The following NRXN1 variants were observed in gnomAD, a reference collection of about 807,000 sequenced individuals.
NRXN1 encodes the protein neurexin-1.
NRXN1 carries 39 observed loss-of-function variants against 150.9 expected under a neutral mutation model. The observed-to-expected ratio is 0.26, with a 90% CI of 0.20 to 0.34. NRXN1 has a LOEUF of 0.34. NRXN1 is among the 10% of genes least tolerant of loss of function. The probability of loss-of-function intolerance (pLI) is 1.00; values close to 1 mark genes in which losing one functional copy is unlikely to be tolerated. For missense variants in NRXN1, 1,815 were observed against 1,949.9 expected (o/e 0.93, Z 1.30); for synonymous variants, 924 against 757.0 (o/e 1.22, Z -3.62).
At chr2:50,385,380 G>A (rs1312128865) in intron 17 of NRXN1, among the ~76,000 whole-genome samples, 2 of 152,188 alleles carry the variant, frequency 1.3e-5, no homozygotes, top group African/African-American at 4.8e-5. Flanking sequence ...TCACAGCATA[G>A]TTAACTTACT....
chr2:50,709,326 T>C (rs1452576640), intron 5 of NRXN1, among the ~76,000 whole-genome samples: 1 of 152,010 alleles, frequency 6.6e-6, no homozygotes, highest in Admixed American at 6.6e-5. Context: ...GCAGGAAAAA[T>C]ATATTAAGTG....
chr2:50,931,100 A>G (rs1399741483), intron 2 of NRXN1, among the ~76,000 whole-genome samples: 1 of 152,134 alleles, frequency 6.6e-6, no homozygotes, highest in East Asian at 1.9e-4. Context: ...CCATCAGAGA[A>G]TATTCTGCAA....
chr2:50,686,261 T>C (rs1166024967), intron 5 of NRXN1, among the ~76,000 whole-genome samples: 1 of 152,140 alleles, frequency 6.6e-6, no homozygotes, highest in Non-Finnish European at 1.5e-5. Context: ...TTTTTAAAAA[T>C]GAAGTTATTA....
chr2:50,296,177 A>C (rs2152949970), intron 17 of NRXN1, among the ~76,000 whole-genome samples: 1 of 152,336 alleles, frequency 6.6e-6, no homozygotes, highest in East Asian at 1.9e-4. Context: ...TAGATAAATT[A>C]TAGATTGATT....
chr2:50,208,447 A>C (rs2062772997), intron 18 of NRXN1, among the ~76,000 whole-genome samples: 1 of 152,132 alleles, frequency 6.6e-6, no homozygotes, highest in Non-Finnish European at 1.5e-5. Context: ...CCATTCTTGC[A>C]AATCTTTGTA....
At chr2:50,883,186 T>G (rs866185756) in intron 5 of NRXN1, among the ~76,000 whole-genome samples, 15 of 151,876 alleles carry the variant, frequency 9.9e-5, no homozygotes, top group Admixed American at 8.6e-4. Context: ...TTTCTTTTCA[T>G]TTTTGCATTG....
In NRXN1 at chr2:49,921,520, T is replaced by A. The variant is rs996456881; in HGVS notation, c.*424A>T. ...AGTCTTCTCTGGCAATTGGACTGACTTCTCAGGAAAGCGCTAGCACTTTGG... is the reference window on the plus strand; with the variant it reads ...AGTCTTCTCTGGCAATTGGACTGACATCTCAGGAAAGCGCTAGCACTTTGG... On this transcript the variant is annotated 3_prime_UTR_variant, in exon 23 of 23. Transcript: ENST00000401669. 6.2e-6 allele frequency: 1 copy of A among 161,988 alleles called. No individual in the cohort carries two copies. Among genetic ancestry groups the A allele is most frequent in the Non-Finnish European group, 1.3e-5 (1 of 74,290 alleles). The allele number at this position is 161,988 out of a possible 1,614,324, so 10.0% of individuals were successfully genotyped here. A position where few individuals can be genotyped will look rare whatever the true frequency, so the allele number is the denominator to read the frequency against.
intron 5 of NRXN1, among the ~76,000 whole-genome samples, chr2:50,899,409 A>T (rs1682557150): frequency 6.6e-6 from 1 of 152,100 alleles, no homozygotes; most frequent in South Asian, 2.1e-4. Flanking sequence ...TTCCCACTAC[A>T]CTGTGTTTAT....
At chr2:50,155,885 AAGT>A (rs1269251557) in intron 18 of NRXN1, among the ~76,000 whole-genome samples, 4 of 151,728 alleles carry the variant, frequency 2.6e-5, no homozygotes, top group African/African-American at 9.7e-5. Flanking sequence ...GTTTAAAAAA[AAGT>A]AGACATTTGT....
At chr2:50,768,196 G>C (rs1702584855) in intron 5 of NRXN1, among the ~76,000 whole-genome samples, 1 of 151,994 alleles carries the variant, frequency 6.6e-6, no homozygotes, top group African/African-American at 2.4e-5. Context: ...CTACTCTTTG[G>C]GATTCTCTGC....
At chr2:50,184,983 C>T (rs754031059) in intron 18 of NRXN1, among the ~76,000 whole-genome samples, 3 of 152,050 alleles carry the variant, frequency 2.0e-5, no homozygotes, top group Non-Finnish European at 4.4e-5. Flanking sequence ...GGTGGCCTCC[C>T]CTCTTCATTA....
chr2:51,001,470 C>T (rs951945372), intron 2 of NRXN1, among the ~76,000 whole-genome samples: 4 of 149,016 alleles, frequency 2.7e-5, no homozygotes, highest in East Asian at 2.0e-4. Context: ...AAAAAAGATC[C>T]ACACATTTAT....
At chr2:50,080,135 T>G (rs1177560772) in intron 19 of NRXN1, among the ~76,000 whole-genome samples, 1 of 152,106 alleles carries the variant, frequency 6.6e-6, no homozygotes, top group Non-Finnish European at 1.5e-5. Context: ...CACTTATAAG[T>G]AGCCACCTGG....
intron 22 of NRXN1, among the ~76,000 whole-genome samples, chr2:49,922,541 A>G (rs1668403604): frequency 6.6e-6 from 1 of 152,166 alleles, no homozygotes; most frequent in Non-Finnish European, 1.5e-5. Flanking sequence ...CTAAAGGGCC[A>G]TGTGGGTGAC....
intron 17 of NRXN1, among the ~76,000 whole-genome samples, chr2:50,249,654 T>C (rs2066855041): frequency 6.6e-6 from 1 of 151,872 alleles, no homozygotes; most frequent in Admixed American, 6.6e-5. Flanking sequence ...TTTTTTTTTT[T>C]TGAGATGGCG....
At chr2:50,995,063 G>A (rs1699062073) in intron 2 of NRXN1, among the ~76,000 whole-genome samples, 1 of 151,856 alleles carries the variant, frequency 6.6e-6, no homozygotes, top group African/African-American at 2.4e-5. Context: ...ACATATTAAT[G>A]TATTTACACT....
At chr2:50,737,977 T>C (rs1183720935) in intron 5 of NRXN1, among the ~76,000 whole-genome samples, 1 of 152,044 alleles carries the variant, frequency 6.6e-6, no homozygotes, top group East Asian at 1.9e-4. Context: ...CAAAGGTTTA[T>C]CAAGGAAGGT....
In NRXN1 at chr2:50,593,674, G is replaced by A. The variant is rs116700221; in HGVS notation, c.1320+26348C>T. Among the ~76,000 whole-genome samples the A allele has an allele frequency of 9.0e-3, 1,371 of 152,302 alleles. 23 individuals carry two copies. Among genetic ancestry groups the A allele is most frequent in the African/African-American group, 0.031 (1,269 of 41,578 alleles). ...TATTTTATTTGTTGCTTGCAAAGGG[G>A]AAGGTGATCAAAATTCTTTTGACTT... On this transcript the variant is annotated intron_variant, in intron 8 of 22. Coordinates refer to ENST00000401669, the MANE Select transcript of NRXN1 (RefSeq NM_001330078.2).
intron 19 of NRXN1, among the ~76,000 whole-genome samples, chr2:50,073,780 G>A (rs1696645812): frequency 6.6e-6 from 1 of 152,090 alleles, no homozygotes; most frequent in Non-Finnish European, 1.5e-5. Context: ...CTCTTTTTAG[G>A]AAGAGTTTGA....
Sources: gnomAD v4.1 joint callset for allele counts (sites outside exome capture counted in the v4.1 genomes callset) on GRCh38, gnomAD v4.1.1 for gene constraint, MANE v1.5 for transcripts, NCBI Gene and HGNC (gene_info 2026-07-23, HGNC 2026-07-21) for gene names.